Variants in KCND2 observed in about 807,000 individuals in gnomAD.
KCND2 encodes potassium voltage-gated channel subfamily D member 2.
Under a neutral mutation model 54.4 loss-of-function variants are expected in KCND2, and 16 were observed. That is an observed-to-expected ratio of 0.29 (90% CI 0.20 to 0.45). The LOEUF (loss-of-function observed/expected upper bound fraction) is 0.45, where lower values mean the gene tolerates loss of function less well. Among genes scored for constraint, KCND2 ranks in the 20% least tolerant of loss-of-function variants. The probability of loss-of-function intolerance (pLI) is 1.00; values close to 1 mark genes in which losing one functional copy is unlikely to be tolerated. For synonymous variants in KCND2, 317 were observed against 310.7 expected (o/e 1.02, Z -0.21); for missense variants, 486 against 824.2 (o/e 0.59, Z 5.02).
At chr7:120,621,118 C>G (rs1793092303) in intron 1 of KCND2, among the ~76,000 whole-genome samples, 1 of 151,278 alleles carries the variant, frequency 6.6e-6, no homozygotes, top group South Asian at 2.1e-4. Context: ...ACTAAAAATA[C>G]AAAAATTAGC....
chr7:120,499,140 A>C (rs1340337471), intron 1 of KCND2, among the ~76,000 whole-genome samples: 1 of 152,278 alleles, frequency 6.6e-6, no homozygotes, highest in Middle Eastern at 3.4e-3. Context: ...AAGTTTCTAT[A>C]CTGCTAAATA....
chr7:120,471,740 C>G (rs779245842), intron 1 of KCND2, among the ~76,000 whole-genome samples: 1 of 152,050 alleles, frequency 6.6e-6, no homozygotes, highest in Non-Finnish European at 1.5e-5. Context: ...GGACAGGATT[C>G]TGAATTCTAC....
intron 1 of KCND2, among the ~76,000 whole-genome samples, chr7:120,393,205 A>G (rs1382946638): frequency 6.6e-6 from 1 of 151,970 alleles, no homozygotes; most frequent in African/African-American, 2.4e-5. Context: ...AATTTCTGTG[A>G]ATCTTAGTCT....
intron 1 of KCND2, among the ~76,000 whole-genome samples, chr7:120,407,818 G>A (rs886080607): frequency 1.3e-5 from 2 of 151,650 alleles, no homozygotes; most frequent in African/African-American, 4.8e-5. Flanking sequence ...CCAGAAATAT[G>A]AAATAATTCT....
At chr7:120,644,358 T>G (rs962548956) in intron 1 of KCND2, among the ~76,000 whole-genome samples, 2 of 152,098 alleles carry the variant, frequency 1.3e-5, no homozygotes, top group African/African-American at 4.8e-5. Flanking sequence ...TACTACAAAA[T>G]AAGATTTAAC....
In KCND2 at chr7:120,748,124, C is replaced by A; in HGVS notation, c.*266C>A. The stretch of plus-strand genomic sequence containing the variant: ...AATGAAATGCCGCCTACTGATGCTT[C>A]TTATGATCAGAACTCTTTTTTAATA... On this transcript the variant is annotated 3_prime_UTR_variant, in exon 6 of 6. Transcript: ENST00000331113. 1 of 287,714 alleles carries A rather than the reference C, an allele frequency of 3.5e-6. No homozygotes were observed. The highest frequency in any genetic ancestry group is 6.5e-6 in the Non-Finnish European group (1 of 153,656). The allele number at this position is 287,714 out of a possible 1,614,324, so 17.8% of individuals were successfully genotyped here. A position where few individuals can be genotyped will look rare whatever the true frequency, so the allele number is the denominator to read the frequency against.
rs546456021 is a variant in KCND2 at position 120,577,829 on chromosome 7, C to T, written c.1116-155074C>T. On this transcript the variant is annotated intron_variant, in intron 1 of 5. Transcript: ENST00000331113. ...CTTGATCTCCTGACCTCGTGATTCA[C>T]CTGCATTGGCTTCCCAAAGTGCTGG... Among the ~76,000 whole-genome samples, 16 of 152,302 alleles carry T rather than the reference C, an allele frequency of 1.1e-4. No homozygotes were observed. The East Asian group carries it at 3.1e-3, about 29-fold the overall frequency.
rs567900715 is a variant in KCND2 at position 120,655,269 on chromosome 7, G to C, written c.1116-77634G>C. On this transcript the variant is annotated intron_variant, in intron 1 of 5. Transcript: ENST00000331113. ...GCAGCATCAGCTATAAAAAAGGGATGAATCCTGTATTTGATAGCATAAATG... is the reference window on the plus strand; with the variant it reads ...GCAGCATCAGCTATAAAAAAGGGATCAATCCTGTATTTGATAGCATAAATG... Among the ~76,000 whole-genome samples the C allele has an allele frequency of 7.9e-5, 12 of 152,072 alleles. No homozygotes were observed. In the East Asian group the frequency reaches 2.3e-3, roughly 29 times the overall value.
intron 1 of KCND2, among the ~76,000 whole-genome samples, chr7:120,543,087 G>A (rs964678744): frequency 6.6e-6 from 1 of 152,024 alleles, no homozygotes; most frequent in Non-Finnish European, 1.5e-5. Context: ...AAGGAGATAA[G>A]TGGTTTCCAT....
At chr7:120,629,058 A>T (rs552397218) in intron 1 of KCND2, among the ~76,000 whole-genome samples, 1 of 152,340 alleles carries the variant, frequency 6.6e-6, no homozygotes, top group East Asian at 1.9e-4. Flanking sequence ...CTCTGATAAG[A>T]TAGATGTCAT....
intron 1 of KCND2, among the ~76,000 whole-genome samples, chr7:120,657,794 G>A (rs1225104718): frequency 1.3e-5 from 2 of 152,040 alleles, no homozygotes. Flanking sequence ...GCTGCAGTGA[G>A]TTATCATCAC....
At chr7:120,617,968 G>A (rs187065642) in intron 1 of KCND2, among the ~76,000 whole-genome samples, 4 of 152,152 alleles carry the variant, frequency 2.6e-5, no homozygotes, top group Admixed American at 1.3e-4. Flanking sequence ...CTGAGTACAC[G>A]TAAATACAAA....
At chr7:120,585,241 C>T (rs10257987) in intron 1 of KCND2, among the ~76,000 whole-genome samples, 17,938 of 151,380 alleles carry the variant, frequency 0.12, 1,731 homozygotes, top group African/African-American at 0.28. Flanking sequence ...CCTCTGTGAA[C>T]AAATGTCTTT....
chr7:120,409,517 T>G (rs1317294798), intron 1 of KCND2, among the ~76,000 whole-genome samples: 1 of 151,960 alleles, frequency 6.6e-6, no homozygotes. Flanking sequence ...CTGCCAACAA[T>G]GTATGAGAGT....
chr7:120,472,870 C>A (rs1388424038), intron 1 of KCND2, among the ~76,000 whole-genome samples: 1 of 152,148 alleles, frequency 6.6e-6, no homozygotes, highest in Non-Finnish European at 1.5e-5. Flanking sequence ...AAGCATGGGG[C>A]TGAAATCCAC....
chr7:120,668,764 A>G (rs977242144), intron 1 of KCND2, among the ~76,000 whole-genome samples: 13 of 152,100 alleles, frequency 8.5e-5, no homozygotes, highest in African/African-American at 2.9e-4. Context: ...CCATTAGATG[A>G]TACAGAAAAT....
intron 1 of KCND2, among the ~76,000 whole-genome samples, chr7:120,632,704 C>T (rs540443663): frequency 6.6e-6 from 1 of 152,270 alleles, no homozygotes; most frequent in Non-Finnish European, 1.5e-5. Context: ...CCTCACAGCA[C>T]CATGAGTTGT....
chr7:120,652,588 C>T (rs1309503983), intron 1 of KCND2, among the ~76,000 whole-genome samples: 1 of 152,186 alleles, frequency 6.6e-6, no homozygotes, highest in African/African-American at 2.4e-5. Flanking sequence ...AGAAGCCCAC[C>T]TCTCCTTGTG....
intron 1 of KCND2, among the ~76,000 whole-genome samples, chr7:120,316,887 G>A (rs1426828368): frequency 2.0e-5 from 3 of 151,632 alleles, no homozygotes; most frequent in Admixed American, 1.3e-4. Flanking sequence ...CCAGGCTGGA[G>A]TGTAGTGGTG....
Sources: gnomAD v4.1 joint callset for allele counts (sites outside exome capture counted in the v4.1 genomes callset) on GRCh38, gnomAD v4.1.1 for gene constraint, MANE v1.5 for transcripts, NCBI Gene and HGNC (gene_info 2026-07-23, HGNC 2026-07-21) for gene names.